Variants in ADGRL2 observed in about 807,000 individuals in gnomAD.
The protein encoded by ADGRL2 is calcium-independent alpha-latrotoxin receptor 2.
ADGRL2 carries 44 observed loss-of-function variants against 157.4 expected under a neutral mutation model. That is an observed-to-expected ratio of 0.28 (90% CI 0.22 to 0.36). ADGRL2 has a LOEUF of 0.36. Ranked by LOEUF, ADGRL2 falls within the 10% of genes least tolerant of loss-of-function variation. The probability of loss-of-function intolerance (pLI) is 1.00; values close to 1 mark genes in which losing one functional copy is unlikely to be tolerated. For synonymous variants in ADGRL2, 585 were observed against 624.7 expected (o/e 0.94, Z 0.95); for missense variants, 1,510 against 1,768.9 (o/e 0.85, Z 2.63).
chr1:81,557,242 G>A, intron 2 of ADGRL2: 1 of 192,360 alleles, frequency 5.2e-6, no homozygotes, highest in Admixed American at 5.6e-5. Context: ...AGCACCTGGT[G>A]CCAGCGGCTC....
chr1:81,325,054 G>C (rs1212291262), intron 1 of ADGRL2, among the ~76,000 whole-genome samples: 1 of 152,042 alleles, frequency 6.6e-6, no homozygotes, highest in African/African-American at 2.4e-5. Flanking sequence ...CCTTGTTTTG[G>C]CCATAGTACA....
intron 1 of ADGRL2, among the ~76,000 whole-genome samples, chr1:81,346,194 A>G (rs900043993): frequency 4.6e-5 from 7 of 152,180 alleles, no homozygotes; most frequent in Non-Finnish European, 5.9e-5. Flanking sequence ...AGAATAAAAT[A>G]CTTTCTATAA....
chr1:81,416,361 A>T (rs1220848083), intron 1 of ADGRL2, among the ~76,000 whole-genome samples: 1 of 151,844 alleles, frequency 6.6e-6, no homozygotes, highest in Non-Finnish European at 1.5e-5. Context: ...ACAAAATTTA[A>T]TGGCCAGCAC....
chr1:81,905,356 C>T (rs1222822169), intron 2 of ADGRL2, among the ~76,000 whole-genome samples: 1 of 152,114 alleles, frequency 6.6e-6, no homozygotes, highest in Non-Finnish European at 1.5e-5. Flanking sequence ...CCTCAGCCTC[C>T]CAAAGTGCTG....
In ADGRL2 at chr1:81,632,697, C is replaced by T. The variant is rs1365290774; in HGVS notation, c.-143+51717C>T. 2.0e-5 allele frequency among the ~76,000 whole-genome samples: 3 copies of T among 150,848 alleles called. No individual in the cohort carries two copies. The East Asian group carries it at 5.9e-4, about 30-fold the overall frequency. ...TAGCGTGAACCCGGGAGGCGGAGCT[C>T]GCAGTGAGCCGAGATCGTGCCACTG... On this transcript the variant is annotated intron_variant, in intron 3 of 24. Coordinates refer to the ADGRL2 transcript ENST00000370721.
intron 1 of ADGRL2, among the ~76,000 whole-genome samples, chr1:81,394,088 T>TA (rs999383370): frequency 1.2e-4 from 19 of 152,096 alleles, no homozygotes; most frequent in African/African-American, 4.1e-4. Flanking sequence ...TGCCTGTTTT[T>TA]AAAAAAAATG....
chr1:81,729,038 A>G (rs547148244), intron 1 of ADGRL2, among the ~76,000 whole-genome samples: 1 of 152,056 alleles, frequency 6.6e-6, no homozygotes, highest in South Asian at 2.1e-4. Context: ...GGCATATGTC[A>G]CAATGTGCCT....
intron 11 of ADGRL2, among the ~76,000 whole-genome samples, chr1:81,964,154 A>G (rs1443075151): frequency 6.6e-6 from 1 of 151,980 alleles, no homozygotes; most frequent in Non-Finnish European, 1.5e-5. Context: ...TGTGAACATT[A>G]TTTTTTAAAC....
chr1:81,492,051 A>G (rs1397040496), intron 2 of ADGRL2, among the ~76,000 whole-genome samples: 2 of 152,198 alleles, frequency 1.3e-5, no homozygotes, highest in African/African-American at 4.8e-5. Context: ...GGCATTTTAC[A>G]TGAAAGGAAG....
Position 81,539,682 on chromosome 1 carries a change from G to A in ADGRL2, c.-247-41194G>A, listed in dbSNP as rs534314442. Among the ~76,000 whole-genome samples the A allele has an allele frequency of 1.8e-4, 28 of 152,096 alleles. No homozygotes were observed. In the South Asian group the frequency reaches 4.4e-3, roughly 24 times the overall value. On this transcript the variant is annotated intron_variant, in intron 2 of 24. Coordinates refer to the ADGRL2 transcript ENST00000370721. ...AAGACTAAGAAGGCAGACTGACAAC[G>A]TAAGGACTCTTACCACTACTCTCTT... is the stretch of plus-strand genomic sequence containing the variant.
At chr1:81,841,953 G>A (rs547163791) in intron 2 of ADGRL2, among the ~76,000 whole-genome samples, 67 of 152,254 alleles carry the variant, frequency 4.4e-4, no homozygotes, top group African/African-American at 1.6e-3. Flanking sequence ...TTGGATGGTT[G>A]CATGTGTGTT....
At chr1:81,605,800 A>AG (rs2081420523) in intron 3 of ADGRL2, among the ~76,000 whole-genome samples, 1 of 152,196 alleles carries the variant, frequency 6.6e-6, no homozygotes, top group Non-Finnish European at 1.5e-5. Context: ...TAGATTTTGC[A>AG]GTCTTGAAAA....
At chr1:81,608,095 C>T (rs1439956121) in intron 3 of ADGRL2, among the ~76,000 whole-genome samples, 1 of 152,180 alleles carries the variant, frequency 6.6e-6, no homozygotes, top group African/African-American at 2.4e-5. Context: ...ACTGTACTGG[C>T]AACTCTCGTG....
chr1:81,921,346 T>C (rs575398041), intron 3 of ADGRL2, among the ~76,000 whole-genome samples: 6 of 152,356 alleles, frequency 3.9e-5, no homozygotes, highest in African/African-American at 1.2e-4. Flanking sequence ...TTAATATGTT[T>C]AGTTGCAACT....
At chr1:81,390,514 C>A (rs866828529) in intron 1 of ADGRL2, among the ~76,000 whole-genome samples, 1 of 152,312 alleles carries the variant, frequency 6.6e-6, no homozygotes, top group Non-Finnish European at 1.5e-5. Flanking sequence ...ATGATTCATG[C>A]TTATGACAGG....
chr1:81,617,090 G>A (rs867632452), intron 3 of ADGRL2, among the ~76,000 whole-genome samples: 21 of 152,178 alleles, frequency 1.4e-4, no homozygotes, highest in African/African-American at 5.1e-4. Flanking sequence ...CCCAAGCCAC[G>A]TACTGGTGCT....
chr1:81,678,311 C>G (rs1409662572), intron 3 of ADGRL2, among the ~76,000 whole-genome samples: 1 of 152,164 alleles, frequency 6.6e-6, no homozygotes, highest in Non-Finnish European at 1.5e-5. Flanking sequence ...TGGGTTAGCT[C>G]ATGAATTAAT....
In ADGRL2 at chr1:81,981,916, T is replaced by A. The variant is rs776311894; in HGVS notation, c.3222T>A (p.Thr1074=). Residue 1074 remains threonine (T), a synonymous_variant, in exon 19 of 24, where the codon ACT becomes ACA. Transcript: ENST00000686636. ...CTATTGTGATGGCATATCTCTTCACTATATTTAATGCTTTCCAGGGAGTGT... is the reference window on the plus strand; with the variant it reads ...CTATTGTGATGGCATATCTCTTCACAATATTTAATGCTTTCCAGGGAGTGT... The part of the protein sequence containing the change: ...EETIVMAYLF[T]IFNAFQGVFI... The A allele has an allele frequency of 6.2e-7, 1 of 1,612,248 alleles. No homozygotes were observed. The highest frequency in any genetic ancestry group is 8.5e-7 in the Non-Finnish European group (1 of 1,178,722).
intron 2 of ADGRL2, among the ~76,000 whole-genome samples, chr1:81,546,690 C>T (rs552038620): frequency 5.9e-5 from 9 of 152,280 alleles, no homozygotes; most frequent in Admixed American, 5.9e-4. Context: ...CTTTATGTAA[C>T]TTAGTTTGTG....
Sources: gnomAD v4.1 joint callset for allele counts (sites outside exome capture counted in the v4.1 genomes callset) on GRCh38, gnomAD v4.1.1 for gene constraint, MANE v1.5 for transcripts, NCBI Gene and HGNC (gene_info 2026-07-23, HGNC 2026-07-21) for gene names.